The following PTPRD variants were observed in gnomAD, a reference collection of about 807,000 sequenced individuals.
PTPRD encodes the protein protein tyrosine phosphatase receptor type D, also known as receptor-type tyrosine-protein phosphatase delta.
PTPRD carries 34 observed loss-of-function variants against 214.5 expected under a neutral mutation model. That is an observed-to-expected ratio of 0.16 (90% CI 0.12 to 0.21). The LOEUF (loss-of-function observed/expected upper bound fraction) is 0.21. PTPRD is among the 10% of genes least tolerant of loss of function. The probability of loss-of-function intolerance (pLI) is 1.00; values close to 1 mark genes in which losing one functional copy is unlikely to be tolerated. For synonymous variants in PTPRD, 1,128 were observed against 845.7 expected (o/e 1.33, Z -5.79); for missense variants, 2,545 against 2,398.7 (o/e 1.06, Z -1.27).
At position 9,728,230 on chromosome 9, in the gene PTPRD, C is replaced by T. The variant is rs1267036833; in HGVS notation, c.-287+6303G>A. Among the ~76,000 whole-genome samples the T allele has an allele frequency of 7.2e-5, 11 of 152,160 alleles. No individual in the cohort carries two copies. The East Asian group carries it at 2.1e-3, about 29-fold the overall frequency. On this transcript the variant is annotated intron_variant, in intron 7 of 45. Coordinates refer to ENST00000381196, the MANE Select transcript of PTPRD (RefSeq NM_002839.4). ...TCTTTTTCGTTATAAATTACCCAGT[C>T]TCTGGTATGTCTTTATCTGCAGAGT...
intron 11 of PTPRD, among the ~76,000 whole-genome samples, chr9:8,831,932 G>C (rs1231030574): frequency 1.3e-5 from 2 of 152,100 alleles, no homozygotes; most frequent in Non-Finnish European, 1.5e-5. Flanking sequence ...GTTGGAAATG[G>C]GTACAAGTTG....
intron 7 of PTPRD, among the ~76,000 whole-genome samples, chr9:9,709,905 T>A (rs551649714): frequency 6.6e-6 from 1 of 152,232 alleles, no homozygotes; most frequent in South Asian, 2.1e-4. Flanking sequence ...ATCCCATTAA[T>A]AGAATATCCT....
At chr9:9,905,504 A>T (rs183452937) in intron 5 of PTPRD, among the ~76,000 whole-genome samples, 121 of 152,102 alleles carry the variant, frequency 8.0e-4, no homozygotes, top group African/African-American at 2.9e-3. Context: ...TATACTAGTT[A>T]TCAAGCCAGT....
chr9:9,607,555 T>C (rs972002277), intron 7 of PTPRD, among the ~76,000 whole-genome samples: 2 of 152,152 alleles, frequency 1.3e-5, no homozygotes, highest in Non-Finnish European at 2.9e-5. Context: ...AAAGTTTATA[T>C]GTCTTCTTTA....
At chr9:10,070,824 C>A (rs976388237) in intron 3 of PTPRD, among the ~76,000 whole-genome samples, 4 of 151,804 alleles carry the variant, frequency 2.6e-5, no homozygotes, top group Admixed American at 1.3e-4. Context: ...AATTTCTAAG[C>A]TATTCTATCA....
intron 5 of PTPRD, among the ~76,000 whole-genome samples, chr9:9,866,317 A>G (rs1002462527): frequency 6.6e-6 from 1 of 152,206 alleles, no homozygotes; most frequent in Non-Finnish European, 1.5e-5. Flanking sequence ...CATAACACTT[A>G]TTACAGTGTT....
intron 9 of PTPRD, among the ~76,000 whole-genome samples, chr9:9,383,136 C>A (rs776415323): frequency 6.6e-6 from 1 of 151,896 alleles, no homozygotes; most frequent in Non-Finnish European, 1.5e-5. Flanking sequence ...TGAAATCCTA[C>A]CATTTTTCTT....
Position 10,108,767 on chromosome 9 carries a change from G to C in PTPRD, c.-544-74977C>G, listed in dbSNP as rs184268593. Among the ~76,000 whole-genome samples, 124 of 151,998 alleles carry C rather than the reference G, an allele frequency of 8.2e-4. 1 individual carries two copies. The highest frequency in any genetic ancestry group is 2.9e-3 in the African/African-American group (121 of 41,470). ...AAAAATGTGGTATTTGCACACAAAG[G>C]GATACTATTCATCCTTAAAAAAGAG... On this transcript the variant is annotated intron_variant, in intron 3 of 45. Transcript: ENST00000381196.
chr9:10,234,520 A>T (rs560768249), intron 3 of PTPRD, among the ~76,000 whole-genome samples: 1 of 152,124 alleles, frequency 6.6e-6, no homozygotes, highest in African/African-American at 2.4e-5. Context: ...AAATTGGTAT[A>T]TGGAATTATC....
chr9:10,329,595 T>A (rs924214727), intron 3 of PTPRD, among the ~76,000 whole-genome samples: 6 of 151,830 alleles, frequency 4.0e-5, no homozygotes, highest in African/African-American at 1.4e-4. Flanking sequence ...GCATGCTTAA[T>A]GTCTTGTGGT....
intron 8 of PTPRD, among the ~76,000 whole-genome samples, chr9:9,446,454 C>G (rs147409202): frequency 6.6e-6 from 1 of 152,264 alleles, no homozygotes; most frequent in Non-Finnish European, 1.5e-5. Context: ...CTGCTTCACA[C>G]CTCCTGAGAC....
chr9:8,915,207 G>A (rs768703617), intron 11 of PTPRD, among the ~76,000 whole-genome samples: 10 of 152,072 alleles, frequency 6.6e-5, no homozygotes, highest in Non-Finnish European at 1.0e-4. Flanking sequence ...TGAAGAAAAG[G>A]GTGTGTGTGA....
chr9:8,938,246 G>A (rs1033003455), intron 11 of PTPRD, among the ~76,000 whole-genome samples: 1 of 151,664 alleles, frequency 6.6e-6, no homozygotes, highest in Non-Finnish European at 1.5e-5. Flanking sequence ...GGATTTTAGG[G>A]GAGAGAAACA....
At chr9:9,251,631 A>AT (rs2099975512) in intron 9 of PTPRD, among the ~76,000 whole-genome samples, 1 of 152,080 alleles carries the variant, frequency 6.6e-6, no homozygotes, top group South Asian at 2.1e-4. Context: ...TGCTATTATT[A>AT]TTTTTTGTAT....
intron 10 of PTPRD, among the ~76,000 whole-genome samples, chr9:9,029,987 G>A (rs748294989): frequency 1.1e-4 from 16 of 151,852 alleles, no homozygotes; most frequent in Admixed American, 4.6e-4. Flanking sequence ...ACTGAACCAT[G>A]GGAAATACTG....
At chr9:9,482,291 G>A (rs563434224) in intron 8 of PTPRD, among the ~76,000 whole-genome samples, 32 of 152,284 alleles carry the variant, frequency 2.1e-4, no homozygotes, top group African/African-American at 7.5e-4. Flanking sequence ...ATGACTTAAA[G>A]TATAACACTT....
intron 9 of PTPRD, among the ~76,000 whole-genome samples, chr9:9,298,968 T>G (rs1490550266): frequency 6.6e-6 from 1 of 151,794 alleles, no homozygotes; most frequent in African/African-American, 2.4e-5. Flanking sequence ...GACTTAAATG[T>G]GTTTGCTAAT....
At chr9:10,441,173 G>C (rs1796064490) in intron 2 of PTPRD, among the ~76,000 whole-genome samples, 1 of 151,650 alleles carries the variant, frequency 6.6e-6, no homozygotes, top group Non-Finnish European at 1.5e-5. Flanking sequence ...CTACCAGACT[G>C]ATGCATTTAA....
rs554367559 is a variant in PTPRD, at chr9:10,523,622, T to TATATATATATATATATATATATAC, written c.-600+88775_-600+88776insGTATATATATATATATATATATAT. Among the ~76,000 whole-genome samples, 14 of 131,378 alleles carry TATATATATATATATATATATATAC rather than the reference T, an allele frequency of 1.1e-4. No individual in the cohort carries two copies. In the South Asian group the frequency reaches 1.2e-3, roughly 12 times the overall value. The allele number at this position is 131,378 out of a possible 152,430, so 86.2% of individuals were successfully genotyped here. On this transcript the variant is annotated intron_variant, in intron 2 of 45. Transcript: ENST00000381196. Reference sequence around the variant, plus strand: ...ATCTGTATATATATATATATATATATAGACAGAAAGAAAGGGAGAGAGAGA... The same window carrying TATATATATATATATATATATATAC: ...ATCTGTATATATATATATATATATATATATATATATATATATATATATACAGACAGAAAGAAAGGGAGAGAGAGA...
Sources: allele counts gnomAD v4.1 joint callset (sites outside exome capture counted in the v4.1 genomes callset), GRCh38; gene constraint gnomAD v4.1.1; transcripts MANE v1.5; gene names NCBI Gene and HGNC (gene_info 2026-07-23, HGNC 2026-07-21).